SORBS2: variants seen among roughly 807,000 people sequenced by gnomAD.
SORBS2 encodes sorbin and SH3 domain containing 2.
Under a neutral mutation model 97.7 loss-of-function variants are expected in SORBS2, and 46 were observed. The observed-to-expected ratio is 0.47, with a 90% CI of 0.37 to 0.60. The LOEUF is 0.60. SORBS2 is among the 20% of genes least tolerant of loss of function. The pLI is 0.00. For missense variants in SORBS2, 1,316 were observed against 1,282.3 expected (o/e 1.03, Z -0.40); for synonymous variants, 476 against 473.4 (o/e 1.01, Z -0.07).
rs530975615 is a variant in SORBS2 at position 185,640,608 on chromosome 4, G to C, written c.396+6060C>G. 2.6e-5 allele frequency among the ~76,000 whole-genome samples: 4 copies of C among 152,242 alleles called. No individual in the cohort carries two copies. In the East Asian group the frequency reaches 5.8e-4, roughly 22 times the overall value. ...AGTAACCAATTTGCTATTTTCTGTT[G>C]AATTTAAAAATTTAATTCAATTTAT... is the stretch of plus-strand genomic sequence containing the variant. On this transcript the variant is annotated intron_variant, in intron 4 of 14. Transcript: ENST00000418609.
intron 2 of SORBS2, among the ~76,000 whole-genome samples, chr4:185,702,516 T>C (rs1322027709): frequency 6.6e-6 from 1 of 152,130 alleles, no homozygotes; most frequent in Non-Finnish European, 1.5e-5. Context: ...CATCTCCAAT[T>C]GGGGATCGAA....
chr4:185,806,449 T>G (rs1252855823), intron 1 of SORBS2, among the ~76,000 whole-genome samples: 1,370 of 10,120 alleles, frequency 0.14, 384 homozygotes, highest in African/African-American at 0.26. Flanking sequence ...TTTTTTTTTT[T>G]TTTTTTTTTT....
intron 1 of SORBS2, among the ~76,000 whole-genome samples, chr4:185,913,463 C>G (rs1039125662): frequency 6.6e-6 from 1 of 152,174 alleles, no homozygotes; most frequent in Non-Finnish European, 1.5e-5. Flanking sequence ...GTGATTCTTT[C>G]GAGACGAGTC....
intron 1 of SORBS2, among the ~76,000 whole-genome samples, chr4:185,936,416 A>C (rs1212521536): frequency 6.6e-6 from 1 of 152,214 alleles, no homozygotes; most frequent in African/African-American, 2.4e-5. Flanking sequence ...ATGGGTACTG[A>C]AACCATCAAT....
Position 185,752,314 on chromosome 4 carries a change from C to T in SORBS2, c.-198+22913G>A, listed in dbSNP as rs529970025. On this transcript the variant is annotated intron_variant, in intron 2 of 20. Coordinates refer to the SORBS2 transcript ENST00000284776. ...TATATGAGACAGAGTCTCGCTCTGT[C>T]GCCCAGGCTGGAGTGCAGTGGCACG... 3.9e-5 allele frequency among the ~76,000 whole-genome samples: 6 copies of T among 152,214 alleles called. No homozygotes were observed. The South Asian group carries it at 8.3e-4, about 21-fold the overall frequency.
chr4:185,777,336 T>C (rs183725481), intron 1 of SORBS2, among the ~76,000 whole-genome samples: 5 of 152,352 alleles, frequency 3.3e-5, no homozygotes, highest in Admixed American at 3.3e-4. Context: ...GGGATATTTG[T>C]TTCTCTTGGC....
intron 1 of SORBS2, among the ~76,000 whole-genome samples, chr4:185,786,038 AC>A (rs2099054938): frequency 6.6e-6 from 1 of 152,034 alleles, no homozygotes; most frequent in Non-Finnish European, 1.5e-5. Flanking sequence ...AAATATAGAG[AC>A]TTTTACTTTG....
chr4:185,631,092 C>A (rs946419923), intron 4 of SORBS2, among the ~76,000 whole-genome samples: 1 of 152,032 alleles, frequency 6.6e-6, no homozygotes, highest in Admixed American at 6.6e-5. Flanking sequence ...AACACATAAG[C>A]AGAACTTAAG....
intron 2 of SORBS2, among the ~76,000 whole-genome samples, chr4:185,716,779 G>A (rs1405306887): frequency 6.6e-6 from 1 of 152,114 alleles, no homozygotes; most frequent in Admixed American, 6.5e-5. Context: ...TGCCTGACTG[G>A]TCTCACCAGC....
rs1200094039 is a variant in SORBS2, at chr4:185,694,706, C to CTTTTTTTTTTTTTTTTTT, written c.-197-15885_-197-15884insAAAAAAAAAAAAAAAAAA. On this transcript the variant is annotated intron_variant, in intron 2 of 20. Transcript: ENST00000284776. The stretch of plus-strand genomic sequence containing the variant: ...TTTCTTTTTCTTTTTCCTTTTCTTT[C>CTTTTTTTTTTTTTTTTTT]TTTTCTTTTCTTTTTTTTGAGACGG... 6.1e-3 allele frequency among the ~76,000 whole-genome samples: 756 copies of CTTTTTTTTTTTTTTTTTT among 123,960 alleles called. 44 individuals carry two copies. Among genetic ancestry groups the CTTTTTTTTTTTTTTTTTT allele is most frequent in the Non-Finnish European group, 9.3e-3 (557 of 59,840 alleles). The allele number at this position is 123,960 out of a possible 152,430, so 81.3% of individuals were successfully genotyped here.
At chr4:185,598,554 A>C (rs180795629) in intron 12 of SORBS2, among the ~76,000 whole-genome samples, 6 of 152,360 alleles carry the variant, frequency 3.9e-5, no homozygotes, top group Non-Finnish European at 1.5e-5. Flanking sequence ...CTGGAGGATT[A>C]GCTATATTTA....
chr4:185,838,974 C>T (rs768780089), intron 1 of SORBS2, among the ~76,000 whole-genome samples: 7 of 152,140 alleles, frequency 4.6e-5, no homozygotes, highest in Non-Finnish European at 7.3e-5. Context: ...CAGCAGGCAC[C>T]GCTGCTTTCC....
At chr4:185,816,386 CTT>C (rs201008570) in intron 1 of SORBS2, among the ~76,000 whole-genome samples, 1,871 of 152,270 alleles carry the variant, frequency 0.012, 25 homozygotes, top group East Asian at 0.043. Flanking sequence ...GTAGCAAAGA[CTT>C]TTGTAAAGCT....
intron 2 of SORBS2, among the ~76,000 whole-genome samples, chr4:185,745,619 AT>A (rs1411063114): frequency 7.2e-5 from 11 of 152,234 alleles, no homozygotes. Context: ...TAATAGCTAT[AT>A]TTAGTAGAAT....
intron 9 of SORBS2, among the ~76,000 whole-genome samples, chr4:185,617,409 C>T (rs1277125774): frequency 6.6e-6 from 1 of 152,114 alleles, no homozygotes; most frequent in African/African-American, 2.4e-5. Flanking sequence ...CATTTCCTAT[C>T]TCAGCAGCAT....
chr4:185,939,805 T>G (rs566359142), intron 1 of SORBS2, among the ~76,000 whole-genome samples: 33 of 152,248 alleles, frequency 2.2e-4, no homozygotes, highest in African/African-American at 6.7e-4. Flanking sequence ...CTACCACGCC[T>G]GGCCTGTCTC....
At chr4:185,740,677 C>T (rs1583841165) in intron 2 of SORBS2, among the ~76,000 whole-genome samples, 1 of 152,048 alleles carries the variant, frequency 6.6e-6, no homozygotes, top group Non-Finnish European at 1.5e-5. Flanking sequence ...ACTAACTCAG[C>T]CCAACACTAA....
At chr4:185,741,822 G>T (rs2098729192) in intron 2 of SORBS2, among the ~76,000 whole-genome samples, 1 of 152,194 alleles carries the variant, frequency 6.6e-6, no homozygotes, top group Admixed American at 6.5e-5. Flanking sequence ...CATACACTGG[G>T]CTGGTTTTTG....
chr4:185,594,014 C>A, intron 12 of SORBS2, 79 bp from the exon 25 acceptor site: 1 of 908,896 alleles, frequency 1.1e-6, no homozygotes, highest in Admixed American at 2.1e-5. Context: ...TGGCATGGTA[C>A]TTTTCTTGAC....
Sources: gnomAD v4.1 joint callset for allele counts (sites outside exome capture counted in the v4.1 genomes callset) on GRCh38, gnomAD v4.1.1 for gene constraint, MANE v1.5 for transcripts, NCBI Gene and HGNC (gene_info 2026-07-23, HGNC 2026-07-21) for gene names.